Variants in DCHS2 observed in about 807,000 individuals in gnomAD.
DCHS2 encodes dachsous cadherin-related 2.
DCHS2 carries 142 observed loss-of-function variants against 182.4 expected under a neutral mutation model. The observed-to-expected ratio is 0.78, with a 90% CI of 0.68 to 0.89. The LOEUF (loss-of-function observed/expected upper bound fraction) is 0.89. Among genes scored for constraint, DCHS2 ranks in the 40% least tolerant of loss-of-function variants. The pLI, the probability that DCHS2 is intolerant of heterozygous loss-of-function variation, is 0.00. For missense variants in DCHS2, 4,319 were observed against 4,198.6 expected, an observed-to-expected ratio of 1.03 and a Z score of -0.79; for synonymous variants, 1,740 against 1,663.3, an observed-to-expected ratio of 1.05 and a Z score of -1.12.
At chr4:154,429,351 G>A (rs889392214) in intron 1 of DCHS2, among the ~76,000 whole-genome samples, 1 of 152,190 alleles carries the variant, frequency 6.6e-6, no homozygotes, top group Non-Finnish European at 1.5e-5. Flanking sequence ...CATCCTCAGT[G>A]CATGTGTTTT....
At position 154,234,288 on chromosome 4, in the gene DCHS2, T is replaced by C; in HGVS notation, c.*248A>G. The C allele has an allele frequency of 9.8e-6, 4 of 407,060 alleles. No homozygotes were observed. In the South Asian group the frequency reaches 2.1e-4, roughly 21 times the overall value. 25.2% of individuals were successfully genotyped at this position (407,060 alleles called of 1,614,324 possible). ...CATACAGACAACAGGTCTGACAGAA[T>C]ATACACTACTTAATATATACAAATG... On this transcript the variant is annotated 3_prime_UTR_variant, in exon 20 of 20. Coordinates refer to ENST00000357232, the MANE Select transcript of DCHS2 (RefSeq NM_001358235.2).
At chr4:154,425,015 G>A (rs1349975763) in intron 1 of DCHS2, among the ~76,000 whole-genome samples, 1 of 152,194 alleles carries the variant, frequency 6.6e-6, no homozygotes, top group Non-Finnish European at 1.5e-5. Context: ...AGACTGCACT[G>A]CAGAAAGCAG....
intron 1 of DCHS2, among the ~76,000 whole-genome samples, chr4:154,425,663 C>G (rs1379795644): frequency 6.6e-6 from 1 of 152,208 alleles, no homozygotes; most frequent in Non-Finnish European, 1.5e-5. Context: ...TCAGGCTCCA[C>G]TTAACTAAGG....
intron 1 of DCHS2, among the ~76,000 whole-genome samples, chr4:154,481,329 A>T (rs1317752152): frequency 6.6e-6 from 1 of 152,098 alleles, no homozygotes; most frequent in Non-Finnish European, 1.5e-5. Flanking sequence ...TGGCGCAATC[A>T]TGGTTCACTG....
chr4:154,373,115 T>A (rs1420609038), intron 2 of DCHS2, among the ~76,000 whole-genome samples: 1 of 152,210 alleles, frequency 6.6e-6, no homozygotes, highest in East Asian at 1.9e-4. Context: ...AATAAACTCA[T>A]TATGGCCTAG....
chr4:154,331,977 G>GA (rs1458598109), intron 5 of DCHS2, among the ~76,000 whole-genome samples: 3 of 152,102 alleles, frequency 2.0e-5, no homozygotes, highest in African/African-American at 7.2e-5. Context: ...GTCAGAATGA[G>GA]AAAAAGGATA....
chr4:154,429,138 T>A (rs1733458357), intron 1 of DCHS2, among the ~76,000 whole-genome samples: 1 of 152,116 alleles, frequency 6.6e-6, no homozygotes, highest in African/African-American at 2.4e-5. Flanking sequence ...GGGGATATCG[T>A]TTAATGTCTC....
chr4:154,489,307 C>T lies in DCHS2; in HGVS notation c.2049G>A (p.Leu683=). Residue 683 remains leucine (L), a synonymous_variant, in exon 1 of 20, where the codon CTG becomes CTA. Transcript: ENST00000357232. ...AEHAPVGHCF[L]QVTASDADSG... ...CCCACAGGCCTGATGCACTCACCTG[C>T]AGAAAGCAGTGTCCAACCGGGGCAT... 4 of 1,514,348 alleles carry T rather than the reference C, an allele frequency of 2.6e-6. No individual in the cohort carries two copies. Among genetic ancestry groups the T allele is most frequent in the Non-Finnish European group, 3.6e-6 (4 of 1,124,014 alleles). The allele number at this position is 1,514,348 out of a possible 1,614,324, so 93.8% of individuals were successfully genotyped here. A position where few individuals can be genotyped will look rare whatever the true frequency, so the allele number is the denominator to read the frequency against.
intron 1 of DCHS2, among the ~76,000 whole-genome samples, chr4:154,401,258 AATTT>A (rs1245598387): frequency 6.6e-6 from 1 of 152,200 alleles, no homozygotes; most frequent in Non-Finnish European, 1.5e-5. Context: ...TATACACCAT[AATTT>A]ATTTATCCAT....
At chr4:154,347,589 A>T (rs1176364196) in intron 3 of DCHS2, among the ~76,000 whole-genome samples, 1 of 151,904 alleles carries the variant, frequency 6.6e-6, no homozygotes, top group Non-Finnish European at 1.5e-5. Context: ...ATAGTGTCTG[A>T]CATATACTGA....
In DCHS2 at chr4:154,488,888, G is replaced by A. The variant is rs935442417; in HGVS notation, c.2052+416C>T. On this transcript the variant is annotated intron_variant, in intron 1 of 19. Transcript: ENST00000357232. Reference sequence around the variant, plus strand: ...CTCTGTTTGACAAAAATATATATATGTGTGTGTGTGTGTCTGTGTGTGTGT... The same window carrying A: ...CTCTGTTTGACAAAAATATATATATATGTGTGTGTGTGTCTGTGTGTGTGT... 4.2e-3 allele frequency among the ~76,000 whole-genome samples: 509 copies of A among 119,854 alleles called. 3 individuals carry two copies. Among genetic ancestry groups the A allele is most frequent in the Non-Finnish European group, 6.6e-3 (356 of 53,668 alleles). The allele number at this position is 119,854 out of a possible 152,430, so 78.6% of individuals were successfully genotyped here. A position where few individuals can be genotyped will look rare whatever the true frequency, so the allele number is the denominator to read the frequency against.
In DCHS2 at chr4:154,232,150, C is replaced by T. The variant is rs1249754417; in HGVS notation, c.*2386G>A. The T allele has an allele frequency of 6.6e-6, 1 of 152,098 alleles. No homozygotes were observed. The highest frequency in any genetic ancestry group is 1.9e-4 in the East Asian group (1 of 5,204). 9.4% of individuals were successfully genotyped at this position (152,098 alleles called of 1,614,324 possible). A position where few individuals can be genotyped will look rare whatever the true frequency, so the allele number is the denominator to read the frequency against. ...AGAGTGCTAAAGCCAGTGCATAGAT[C>T]AGCAAAGTAACCCAGAACATATGAG... On this transcript the variant is annotated 3_prime_UTR_variant, in exon 20 of 20. Transcript: ENST00000357232.
At chr4:154,345,991 C>T (rs6848865) in intron 3 of DCHS2, among the ~76,000 whole-genome samples, 3,936 of 152,284 alleles carry the variant, frequency 0.026, 166 homozygotes, top group African/African-American at 0.089. Flanking sequence ...GACAGGGCTC[C>T]CTTCCTGGTT....
chr4:154,266,331 TTTG>T (rs1235136175), intron 14 of DCHS2, among the ~76,000 whole-genome samples: 3 of 149,522 alleles, frequency 2.0e-5, no homozygotes, highest in Admixed American at 6.9e-5. Flanking sequence ...GGGTTTTTTT[TTTG>T]TTGTTTGTTT....
Position 154,240,639 on chromosome 4 carries a change from G to A in DCHS2, c.7257C>T (p.Leu2419=). ...AGTGCACTGAATCAGAAATTTGGAT[G>A]AGCAGCTCATATTCAGTCATTTCTT... The part of the protein sequence containing the change: ...DFEEMTEYEL[L]IQISDSVHYT... The change falls in exon 18 of 20, where the codon CTC becomes CTT. Residue 2419 remains leucine (L), a synonymous_variant. Transcript: ENST00000357232. 1 of 1,613,896 alleles carries A rather than the reference G, an allele frequency of 6.2e-7. No individual in the cohort carries two copies. The highest frequency in any genetic ancestry group is 2.2e-5 in the East Asian group (1 of 44,828).
chr4:154,429,650 T>C (rs1733476482), intron 1 of DCHS2, among the ~76,000 whole-genome samples: 1 of 152,134 alleles, frequency 6.6e-6, no homozygotes, highest in South Asian at 2.1e-4. Context: ...TTCTAGATTT[T>C]AGATCAATTT....
intron 10 of DCHS2, among the ~76,000 whole-genome samples, chr4:154,310,935 A>G (rs60465642): frequency 1.3e-5 from 2 of 152,344 alleles, no homozygotes; most frequent in African/African-American, 4.8e-5. Flanking sequence ...GTAAAGTTTT[A>G]TTGAAATACA....
At chr4:154,331,675 C>T (rs1736534014) in intron 5 of DCHS2, 6 of 1,613,810 alleles carry the variant, frequency 3.7e-6, no homozygotes, top group Non-Finnish European at 5.1e-6. Flanking sequence ...GGCAGCAGCA[C>T]CATCTGCCCA....
chr4:154,435,413 G>A (rs1733735610), intron 1 of DCHS2, among the ~76,000 whole-genome samples: 1 of 151,994 alleles, frequency 6.6e-6, no homozygotes, highest in Non-Finnish European at 1.5e-5. Context: ...TGTGTTACAC[G>A]GTGAAACCCC....
Sources: gnomAD v4.1 joint callset for allele counts (sites outside exome capture counted in the v4.1 genomes callset) on GRCh38, gnomAD v4.1.1 for gene constraint, MANE v1.5 for transcripts, NCBI Gene and HGNC (gene_info 2026-07-23, HGNC 2026-07-21) for gene names.